GORASP2: variants seen among roughly 807,000 people sequenced by gnomAD.
The protein encoded by GORASP2 is golgi reassembly stacking protein 2.
In GORASP2, 22 loss-of-function variants were observed where a neutral mutation model predicts 45.7. The ratio of observed to expected loss-of-function variants is 0.48; its 90% CI spans 0.34 to 0.69. The LOEUF (loss-of-function observed/expected upper bound fraction) is 0.69, where lower values mean the gene tolerates loss of function less well. GORASP2 is among the 30% of genes least tolerant of loss of function. GORASP2 has a pLI of 0.01. For synonymous variants in GORASP2, 221 were observed against 215.6 expected (o/e 1.02, Z -0.22); for missense variants, 491 against 562.7 (o/e 0.87, Z 1.29).
intron 5 of GORASP2, among the ~76,000 whole-genome samples, chr2:170,953,366 TAAATAAATA>T (rs904025208): frequency 6.6e-6 from 1 of 151,688 alleles, no homozygotes; most frequent in Admixed American, 6.6e-5. Context: ...AATAAATAAA[TAAATAAATA>T]AATAAATAAA....
chr2:170,934,283 T>C (rs1403685207), intron 1 of GORASP2, among the ~76,000 whole-genome samples: 4 of 152,080 alleles, frequency 2.6e-5, no homozygotes, highest in Non-Finnish European at 4.4e-5. Flanking sequence ...TGTTTTGTTT[T>C]GTTTTTTTTG....
intron 7 of GORASP2, among the ~76,000 whole-genome samples, chr2:170,957,282 CT>C (rs1006439546): frequency 2.1e-4 from 31 of 147,042 alleles, no homozygotes; most frequent in Admixed American, 2.7e-4. Context: ...CCTTCCTTTT[CT>C]TTTTTTTTTT....
chr2:170,936,629 A>G (rs79698371), intron 1 of GORASP2: 21,161 of 1,299,812 alleles, frequency 0.016, 200 homozygotes, highest in Non-Finnish European at 0.019. Context: ...TTAAGCATCA[A>G]TGAGAGAAGG....
intron 9 of GORASP2, among the ~76,000 whole-genome samples, chr2:170,963,470 T>TCCCCCCCCTCCTCCTCCTCCC (rs1251788180): frequency 3.0e-5 from 2 of 66,508 alleles, no homozygotes; most frequent in African/African-American, 6.6e-5. Flanking sequence ...CTCCTCCTCC[T>TCCCCCCCCTCCTCCTCCTCCC]CCCCCTCCTC....
chr2:170,941,536 C>T (rs1704077497), intron 1 of GORASP2, among the ~76,000 whole-genome samples: 1 of 152,162 alleles, frequency 6.6e-6, no homozygotes, highest in African/African-American at 2.4e-5. Flanking sequence ...CTGCACAACT[C>T]CCACCTCCAC....
chr2:170,961,077 A>T (rs1704548190), intron 7 of GORASP2, among the ~76,000 whole-genome samples: 1 of 152,230 alleles, frequency 6.6e-6, no homozygotes, highest in Non-Finnish European at 1.5e-5. Context: ...AGCTAATGTT[A>T]GTACACGTTT....
chr2:170,928,933 G>A, upstream of GORASP2: 1 of 166,802 alleles, frequency 6.0e-6, no homozygotes, highest in Non-Finnish European at 1.3e-5. Flanking sequence ...GGCCACCAGG[G>A]GGACCTGCAA....
chr2:170,944,752 C>T (rs1704147669), intron 1 of GORASP2, among the ~76,000 whole-genome samples: 1 of 152,130 alleles, frequency 6.6e-6, no homozygotes, highest in African/African-American at 2.4e-5. Flanking sequence ...AAACTTCTGG[C>T]AGTCTCAGTG....
At chr2:170,948,635 A>T (rs1374226826) in intron 2 of GORASP2, 1 of 395,016 alleles carries the variant, frequency 2.5e-6, no homozygotes, top group African/African-American at 2.1e-5. Context: ...GGAAGTCTCT[A>T]GAATCAGTGG....
In GORASP2 at chr2:170,950,216, A is replaced by C. The variant is rs1488272478; in HGVS notation, c.361A>C (p.Asn121His). Residue 121 changes from asparagine to histidine, a missense_variant, in exon 4 of 10, where the codon AAT (asparagine) becomes CAT (histidine). By Grantham distance (68) the Asn-to-His change is moderately conservative. Transcript: ENST00000234160. ...TATGTCATTCTAGGAGGTGGAATCAAATTCTCCTGCAGCACTGGCAGGTCT... is the reference window on the plus strand; with the variant it reads ...TATGTCATTCTAGGAGGTGGAATCACATTCTCCTGCAGCACTGGCAGGTCT... ...NVWHVLEVES[N>H]SPAALAGLRP... The C allele has an allele frequency of 1.3e-6, 2 of 1,556,656 alleles. No individual in the cohort carries two copies. Among genetic ancestry groups the C allele is most frequent in the African/African-American group, 1.4e-5 (1 of 73,296 alleles).
intron 1 of GORASP2, among the ~76,000 whole-genome samples, chr2:170,944,977 A>G (rs1202348766): frequency 6.6e-6 from 1 of 152,180 alleles, no homozygotes; most frequent in East Asian, 1.9e-4. Flanking sequence ...CCTAATAGGC[A>G]TTTCACATCT....
In GORASP2 at chr2:170,956,526, A is replaced by T; in HGVS notation, c.790A>T (p.Thr264Ser). ...TCTGACTGGACTTTCTATTAGCTCA[A>T]CTCCACCAGCTGTCAGTAGTGTTCT... ...QSLTGLSISSTPPAVSSVLST... is the reference protein window; with the variant it reads ...QSLTGLSISSSPPAVSSVLST... Residue 264 changes from threonine to serine, a missense_variant, in exon 7 of 10, where the codon ACT becomes TCT. Thr to Ser is a moderately conservative substitution (Grantham distance 58, BLOSUM62 1). Transcript: ENST00000234160. The T allele has an allele frequency of 6.2e-7, 1 of 1,613,250 alleles. No homozygotes were observed. Among genetic ancestry groups the T allele is most frequent in the Non-Finnish European group, 8.5e-7 (1 of 1,179,498 alleles).
intron 1 of GORASP2, 42 bp from the exon 2 acceptor site, chr2:170,948,308 T>A: frequency 1.8e-6 from 2 of 1,134,250 alleles, no homozygotes; most frequent in Non-Finnish European, 2.7e-6. Context: ...AATTTTCACC[T>A]AAGCTTTACA....
rs1182559728 is a variant in GORASP2, at chr2:170,966,989, C to G, written c.*859C>G. ...GTGCACTTACTACTCTCCAGTATGT[C>G]TTATTACTCTCCAGTATGTCACGCA... On this transcript the variant is annotated 3_prime_UTR_variant, in exon 10 of 10. Transcript: ENST00000234160. The G allele has an allele frequency of 6.6e-6, 1 of 152,150 alleles. No homozygotes were observed. Among genetic ancestry groups the G allele is most frequent in the Non-Finnish European group, 1.5e-5 (1 of 68,018 alleles). The allele number at this position is 152,150 out of a possible 1,614,324, so 9.4% of individuals were successfully genotyped here.
At chr2:170,931,736 A>G (rs751840599) in intron 1 of GORASP2, among the ~76,000 whole-genome samples, 3 of 152,220 alleles carry the variant, frequency 2.0e-5, no homozygotes, top group Admixed American at 6.5e-5. Flanking sequence ...TCCATCTAAA[A>G]ATATTTAGGG....
chr2:170,966,295 G>A lies in GORASP2; in HGVS notation c.*165G>A. ...GAGGACGTGGGTTGTATCCTGCCAG[G>A]TTGAGTGGGGCTCACACGCTAGGGT... On this transcript the variant is annotated 3_prime_UTR_variant, in exon 10 of 10. Transcript: ENST00000234160. The A allele has an allele frequency of 1.6e-6, 1 of 623,630 alleles. No individual in the cohort carries two copies. Among genetic ancestry groups the A allele is most frequent in the Non-Finnish European group, 2.9e-6 (1 of 349,494 alleles). The allele number at this position is 623,630 out of a possible 1,614,324, so 38.6% of individuals were successfully genotyped here.
intron 1 of GORASP2, among the ~76,000 whole-genome samples, chr2:170,942,273 G>A (rs1704093894): frequency 6.6e-6 from 1 of 152,114 alleles, no homozygotes; most frequent in Non-Finnish European, 1.5e-5. Flanking sequence ...ATACAGTTTG[G>A]TGGGTTTTTA....
At chr2:170,963,136 G>GAT in intron 9 of GORASP2, among the ~76,000 whole-genome samples, 190 bp downstream of exon 9, 1 of 152,234 alleles carries the variant, frequency 6.6e-6, no homozygotes, top group South Asian at 2.1e-4. Flanking sequence ...ACTTTGGGAG[G>GAT]CCGAAGTGGG....
Position 170,958,677 on chromosome 2 carries a change from A to ATT in GORASP2, c.823+2118_823+2119insTT, listed in dbSNP as rs1704483742. Among the ~76,000 whole-genome samples, 861 of 94,326 alleles carry ATT rather than the reference A, an allele frequency of 9.1e-3. 2 individuals carry two copies. Among genetic ancestry groups the ATT allele is most frequent in the South Asian group, 0.028 (72 of 2,550 alleles). The allele number at this position is 94,326 out of a possible 152,430, so 61.9% of individuals were successfully genotyped here. A position where few individuals can be genotyped will look rare whatever the true frequency, so the allele number is the denominator to read the frequency against. On this transcript the variant is annotated intron_variant, in intron 7 of 9. Coordinates refer to ENST00000234160, the MANE Select transcript of GORASP2 (RefSeq NM_015530.5). The stretch of plus-strand genomic sequence containing the variant: ...TCTTTTTTTTTTTTTTTTTTTTTAA[A>ATT]AAAAAAAAAAACAGACTCTGTTGCC...
Sources: gnomAD v4.1 joint callset for allele counts (sites outside exome capture counted in the v4.1 genomes callset) on GRCh38, gnomAD v4.1.1 for gene constraint, MANE v1.5 for transcripts, NCBI Gene and HGNC (gene_info 2026-07-23, HGNC 2026-07-21) for gene names.